RIF1: variants seen among roughly 807,000 people sequenced by gnomAD.
RIF1 encodes telomere-associated protein RIF1.
A neutral mutation model predicts 247.1 loss-of-function variants in RIF1; 45 were observed. The observed-to-expected ratio is 0.18, with a 90% confidence interval of 0.14 to 0.23. The LOEUF (loss-of-function observed/expected upper bound fraction) is 0.23, where lower values mean the gene tolerates loss of function less well. Among genes scored for constraint, RIF1 ranks in the 10% least tolerant of loss-of-function variants. The pLI is 1.00. For synonymous variants in RIF1, 1,087 were observed against 978.8 expected (o/e 1.11, Z -2.06); for missense variants, 2,967 against 2,862.5 (o/e 1.04, Z -0.83).
At chr2:151,411,438 C>T (rs1039816522) in intron 3 of RIF1, 100 bp downstream of exon 3, 1 of 736,326 alleles carries the variant, frequency 1.4e-6, no homozygotes, top group East Asian at 2.7e-5. Flanking sequence ...CTCTTGTTGC[C>T]CAGGCGAGAG....
At chr2:151,422,910 C>A in intron 7 of RIF1, 40 bp from the exon 8 acceptor site, 1 of 1,057,832 alleles carries the variant, frequency 9.5e-7, no homozygotes, top group Non-Finnish European at 1.4e-6. Flanking sequence ...ATTTTTTTTT[C>A]TAAGAGTCTG....
intron 10 of RIF1, chr2:151,497,406 G>T: frequency 8.2e-6 from 8 of 976,444 alleles, no homozygotes; most frequent in Non-Finnish European, 9.7e-6. Context: ...AAAAAAGATT[G>T]AAAATACCAG....
rs749491555 is a variant in RIF1, at chr2:151,443,294, C to T, written c.1770C>T (p.Phe590=). 1 of 1,602,100 alleles carries T rather than the reference C, an allele frequency of 6.2e-7. No homozygotes were observed. The highest frequency in any genetic ancestry group is 1.3e-5 in the African/African-American group (1 of 74,714). The change falls in exon 17 of 36, where the codon TTC becomes TTT. Residue 590 remains phenylalanine, a synonymous_variant. Coordinates refer to ENST00000444746, the MANE Select transcript of RIF1 (RefSeq NM_018151.5). ...CTTTGTTCTTAATTCAATTAATTTT[C>T]AACAATTTCTTGGAATGTGGTGTAT... ...TPALFLIQLI[F]NNFLECGVSD... is the part of the protein sequence containing the mutation.
chr2:151,506,078 G>A, intron 12 of RIF1: 1 of 1,140,422 alleles, frequency 8.8e-7, no homozygotes, highest in East Asian at 2.3e-5. Context: ...TGTTTCTGGT[G>A]ACAGAGGCTT....
At chr2:151,531,792 A>T in the RIF1 span, 1 of 1,605,640 alleles carries the variant, frequency 6.2e-7, no homozygotes, top group Non-Finnish European at 8.5e-7. Flanking sequence ...TTGCACTTAC[A>T]TCGCTGATTT....
In RIF1 at chr2:151,464,436, T is replaced by C. The variant is rs1696619701; in HGVS notation, c.4916T>C (p.Leu1639Ser). 3.1e-6 allele frequency: 5 copies of C among 1,613,528 alleles called. No individual in the cohort carries two copies. The highest frequency in any genetic ancestry group is 2.5e-6 in the Non-Finnish European group (3 of 1,179,792). Residue 1639 changes from leucine (L) to serine (S), a missense_variant, in exon 30 of 36, where the codon TTG (leucine) becomes TCG (serine). Physicochemically the swap from Leu to Ser is moderately radical, Grantham distance 145. This residue lies in a region of RIF1 where 2,028 missense variants were observed against 1,825.6 expected (regional missense o/e 1.11). Transcript: ENST00000444746. The stretch of plus-strand genomic sequence containing the variant: ...CAGGATTCTACAGTAACTTCAGATT[T>C]GTTGCAAGTTCCTGATGATTTACCA... ...ICQDSTVTSD[L>S]LQVPDDLPNV...
At chr2:151,491,742 A>G in intron 9 of RIF1, 1 of 1,596,700 alleles carries the variant, frequency 6.3e-7, no homozygotes, top group Non-Finnish European at 8.5e-7. Flanking sequence ...ATAGTCAAAA[A>G]CCGAACCAGG....
chr2:151,524,299 C>CA, the RIF1 span: 1 of 1,607,826 alleles, frequency 6.2e-7, no homozygotes, highest in Non-Finnish European at 8.5e-7. Context: ...CCAGTGCACC[C>CA]ATCTGCATTA....
rs554390304 is a variant in RIF1 at position 151,470,456 on chromosome 2, T to C, written c.7095+592T>C. ...TTTGGACTTCAGATTTATTTCGATT[T>C]TGAGATATTTGCATTATGCAGCTAC... On this transcript the variant is annotated intron_variant, in intron 34 of 35. Transcript: ENST00000444746. Among the ~76,000 whole-genome samples, 27 of 152,282 alleles carry C rather than the reference T, an allele frequency of 1.8e-4. No homozygotes were observed. In the East Asian group the frequency reaches 5.0e-3, roughly 28 times the overall value.
intron 3 of RIF1, among the ~76,000 whole-genome samples, chr2:151,412,323 TGAC>T (rs1686397780): frequency 1.2e-5 from 1 of 85,884 alleles, no homozygotes; most frequent in African/African-American, 2.8e-5. Context: ...GTTTTTATTA[TGAC>T]CTTGTTCTTG....
chr2:151,450,765 G>T (rs1036989883), intron 20 of RIF1, among the ~76,000 whole-genome samples: 1 of 152,042 alleles, frequency 6.6e-6, no homozygotes, highest in African/African-American at 2.4e-5. Flanking sequence ...TGTGTTTTTA[G>T]TAGAGACGGG....
At chr2:151,512,677 A>G, downstream of RIF1, 2 of 1,189,294 alleles carry the variant, frequency 1.7e-6, no homozygotes, top group Non-Finnish European at 2.5e-6. Context: ...TAATGGAAGG[A>G]CTTCCATTCT....
chr2:151,456,723 A>T lies in RIF1; in HGVS notation c.2652+103A>T, dbSNP rs531845835. The T allele has an allele frequency of 1.3e-4, 85 of 652,772 alleles. 1 individual carries two copies. The highest frequency in any genetic ancestry group is 1.1e-3 in the South Asian group (49 of 45,066). 40.4% of individuals were successfully genotyped at this position (652,772 alleles called of 1,614,324 possible). On this transcript the variant is annotated intron_variant, in intron 23 of 35. Coordinates refer to ENST00000444746, the MANE Select transcript of RIF1 (RefSeq NM_018151.5). Reference sequence around the variant, plus strand: ...AATTCTGCTGATTTTTAAAGGGGTTATTCCTTCTTTCTTTCTTTTTTTCCT... The same window carrying T: ...AATTCTGCTGATTTTTAAAGGGGTTTTTCCTTCTTTCTTTCTTTTTTTCCT...
intron 10 of RIF1, among the ~76,000 whole-genome samples, chr2:151,498,701 T>C (rs16830109): frequency 0.015 from 2,265 of 152,282 alleles, 80 homozygotes; most frequent in East Asian, 0.14. Flanking sequence ...AGGAAGTTAC[T>C]TTTGATTTGA....
chr2:151,435,607 G>A (rs777709586), intron 11 of RIF1, 27 bp downstream of exon 11: 3 of 1,333,952 alleles, frequency 2.2e-6, no homozygotes, highest in Non-Finnish European at 3.2e-6. Flanking sequence ...CTTGTTTTTT[G>A]CTTTTTTAAT....
intron 9 of RIF1, chr2:151,495,131 G>A (rs2059361250): frequency 6.6e-6 from 1 of 152,136 alleles, no homozygotes; most frequent in African/African-American, 2.4e-5. Flanking sequence ...AAGGAATAAG[G>A]TTTTTGGCTC....
chr2:151,448,520 G>A (rs184602087), intron 20 of RIF1, among the ~76,000 whole-genome samples: 9 of 151,984 alleles, frequency 5.9e-5, no homozygotes, highest in East Asian at 1.9e-4. Context: ...TGTATTTGTC[G>A]GAGTGACTTT....
At chr2:151,501,092 A>G (rs1488396188) in intron 11 of RIF1, among the ~76,000 whole-genome samples, 1 of 152,194 alleles carries the variant, frequency 6.6e-6, no homozygotes, top group Non-Finnish European at 1.5e-5. Context: ...TTCCAAGTAA[A>G]TAAGAGCTTT....
chr2:151,425,545 A>G lies in RIF1; in HGVS notation c.786+2503A>G, dbSNP rs574492882. 2.6e-5 allele frequency among the ~76,000 whole-genome samples: 4 copies of G among 151,870 alleles called. No individual in the cohort carries two copies. The East Asian group carries it at 5.8e-4, about 22-fold the overall frequency. On this transcript the variant is annotated intron_variant, in intron 8 of 35. Coordinates refer to ENST00000444746, the MANE Select transcript of RIF1 (RefSeq NM_018151.5). ...GTAGATCTTTGAACCATTTTGAGTG[A>G]ATATTTGGATATGGTGTAAGGTGAG...
Sources: gnomAD v4.1 joint callset for allele counts (sites outside exome capture counted in the v4.1 genomes callset) on GRCh38, gnomAD v4.1.1 for gene constraint, gnomAD v4.1.1 regional missense constraint, MANE v1.5 for transcripts, NCBI Gene and HGNC (gene_info 2026-07-23, HGNC 2026-07-21) for gene names.